METTL15: variants seen among roughly 807,000 people sequenced by gnomAD.
METTL15 encodes methyltransferase 15, mitochondrial 12S rRNA N4-cytidine.
METTL15 carries 34 observed loss-of-function variants against 38.3 expected under a neutral mutation model. That is an observed-to-expected ratio of 0.89 (90% CI 0.68 to 1.18). METTL15 has a LOEUF of 1.18. METTL15 is among the 50% of genes most tolerant of loss of function. The probability of loss-of-function intolerance (pLI) is 0.00; values close to 1 mark genes in which losing one functional copy is unlikely to be tolerated. For synonymous variants in METTL15, 162 were observed against 170.9 expected, an observed-to-expected ratio of 0.95 and a Z score of 0.41; for missense variants, 438 against 498.4, an observed-to-expected ratio of 0.88 and a Z score of 1.15.
chr11:28,318,977 A>G (rs146864440), intron 6 of METTL15, among the ~76,000 whole-genome samples: 71 of 152,348 alleles, frequency 4.7e-4, no homozygotes, highest in Admixed American at 1.0e-3. Flanking sequence ...GTTATTTTCA[A>G]TAGAACAAAA....
rs1436278023 is a variant in METTL15 at position 28,291,628 on chromosome 11, T to C, written c.599+1231T>C. Among the ~76,000 whole-genome samples the C allele has an allele frequency of 2.6e-5, 4 of 152,144 alleles. 1 individual carries two copies. Among genetic ancestry groups the C allele is most frequent in the African/African-American group, 9.7e-5 (4 of 41,446 alleles). On this transcript the variant is annotated intron_variant, in intron 5 of 6. Transcript: ENST00000407364. ...AGTGTTATACCTTCTTTTGCACATG[T>C]TGTTGGTATTCACAGAATGAAGAAT...
intron 6 of METTL15, among the ~76,000 whole-genome samples, chr11:28,511,443 G>A (rs1052031251): frequency 1.3e-5 from 2 of 152,186 alleles, no homozygotes; most frequent in African/African-American, 2.4e-5. Context: ...TGGGTTCTTG[G>A]TCTCACTGAC....
Position 28,278,172 on chromosome 11 carries a change from G to C in METTL15, c.408-12034G>C, listed in dbSNP as rs76244063. Reference sequence around the variant, plus strand: ...AGAAATTATCACCAAGCATTGTATAGGCCTTATATGAGAGAGAGAATTCGT... The same window carrying C: ...AGAAATTATCACCAAGCATTGTATACGCCTTATATGAGAGAGAGAATTCGT... On this transcript the variant is annotated intron_variant, in intron 4 of 6. Transcript: ENST00000407364. Among the ~76,000 whole-genome samples, 3 of 152,170 alleles carry C rather than the reference G, an allele frequency of 2.0e-5. No homozygotes were observed. In the East Asian group the frequency reaches 5.8e-4, roughly 30 times the overall value.
intron 6 of METTL15, among the ~76,000 whole-genome samples, chr11:28,473,031 G>C (rs1851315640): frequency 6.6e-6 from 1 of 152,144 alleles, no homozygotes; most frequent in Non-Finnish European, 1.5e-5. Flanking sequence ...AATGGATAAA[G>C]GAGGCAGGCC....
chr11:28,345,531 T>C (rs1202726996), intron 3 of METTL15, among the ~76,000 whole-genome samples: 3 of 152,168 alleles, frequency 2.0e-5, no homozygotes, highest in Non-Finnish European at 2.9e-5. Context: ...ATATATTATT[T>C]TGGGAAATAC....
intron 6 of METTL15, among the ~76,000 whole-genome samples, chr11:28,439,781 T>C (rs1294504626): frequency 6.6e-6 from 1 of 152,224 alleles, no homozygotes; most frequent in Non-Finnish European, 1.5e-5. Context: ...GGGATTTAAT[T>C]GTTAAGTACT....
chr11:28,287,308 A>T, intron 4 of METTL15: 1 of 234,764 alleles, frequency 4.3e-6, no homozygotes, highest in South Asian at 4.9e-5. Flanking sequence ...AGGCCGGCTG[A>T]GGTTGTCATT....
At chr11:28,116,772 T>C (rs996483583) in intron 3 of METTL15, among the ~76,000 whole-genome samples, 3 of 152,158 alleles carry the variant, frequency 2.0e-5, no homozygotes, top group Non-Finnish European at 4.4e-5. Context: ...AATTTTTTTT[T>C]AAATTTTAAT....
chr11:28,303,533 T>C (rs2134012661), intron 6 of METTL15, among the ~76,000 whole-genome samples: 1 of 152,254 alleles, frequency 6.6e-6, no homozygotes, highest in Non-Finnish European at 1.5e-5. Context: ...TATAATTATT[T>C]GAATGAGAGG....
intron 4 of METTL15, among the ~76,000 whole-genome samples, chr11:28,239,213 A>G (rs1854176770): frequency 6.6e-6 from 1 of 152,210 alleles, no homozygotes; most frequent in Admixed American, 6.5e-5. Context: ...TAGAAATCTC[A>G]GATCTAACAT....
chr11:28,368,078 A>C (rs1225062265), intron 5 of METTL15, among the ~76,000 whole-genome samples: 1 of 150,900 alleles, frequency 6.6e-6, no homozygotes. Context: ...TGGCAACAAA[A>C]GCCAAAATAG....
At chr11:28,389,475 T>A (rs1221590110) in intron 5 of METTL15, among the ~76,000 whole-genome samples, 2 of 147,404 alleles carry the variant, frequency 1.4e-5, no homozygotes, top group Non-Finnish European at 3.0e-5. Context: ...AGTGAGAACA[T>A]GCGGTGTTTG....
chr11:28,259,221 G>A (rs980480282), intron 4 of METTL15, among the ~76,000 whole-genome samples: 7 of 152,150 alleles, frequency 4.6e-5, no homozygotes, highest in African/African-American at 1.4e-4. Flanking sequence ...CCAGTACCCT[G>A]TCTTGCTATG....
chr11:28,197,628 G>T, intron 3 of METTL15: 1 of 316,682 alleles, frequency 3.2e-6, no homozygotes, highest in Non-Finnish European at 6.6e-6. Context: ...GCTATCTGAA[G>T]TCACATGTTT....
chr11:28,356,155 AG>A (rs1214542690), intron 4 of METTL15, among the ~76,000 whole-genome samples: 2 of 152,086 alleles, frequency 1.3e-5, no homozygotes, highest in African/African-American at 4.8e-5. Context: ...TTCTACCTAA[AG>A]TTGCCTTTGC....
chr11:28,417,254 T>C (rs1197568902), intron 5 of METTL15, among the ~76,000 whole-genome samples: 1 of 152,234 alleles, frequency 6.6e-6, no homozygotes, highest in Admixed American at 6.5e-5. Flanking sequence ...AGAATTCTTA[T>C]CTCAAGTTTG....
intron 6 of METTL15, among the ~76,000 whole-genome samples, chr11:28,474,134 G>A (rs1461743206): frequency 1.3e-5 from 2 of 151,496 alleles, no homozygotes; most frequent in Admixed American, 6.6e-5. Flanking sequence ...AGATGTATAA[G>A]TATATACAAG....
chr11:28,135,265 T>A (rs966118335), intron 3 of METTL15, among the ~76,000 whole-genome samples: 1 of 152,192 alleles, frequency 6.6e-6, no homozygotes, highest in African/African-American at 2.4e-5. Flanking sequence ...AGATTATTGG[T>A]GCAGCAAGAA....
chr11:28,310,238 A>G (rs563945722), intron 6 of METTL15, among the ~76,000 whole-genome samples: 1 of 152,288 alleles, frequency 6.6e-6, no homozygotes, highest in Non-Finnish European at 1.5e-5. Context: ...CTCATTGTCA[A>G]TCCAAAGCAA....
Sources: gnomAD v4.1 joint callset for allele counts (sites outside exome capture counted in the v4.1 genomes callset) on GRCh38, gnomAD v4.1.1 for gene constraint, MANE v1.5 for transcripts, NCBI Gene and HGNC (gene_info 2026-07-23, HGNC 2026-07-21) for gene names.